Variants in ACYP2 observed in about 807,000 individuals in gnomAD.
The protein encoded by ACYP2 is acylphosphatase 2, also known as acylphosphatase-2.
In ACYP2, 12 loss-of-function variants were observed where a neutral mutation model predicts 11.2. The ratio of observed to expected loss-of-function variants is 1.08; its 90% CI spans 0.69 to 1.74. The LOEUF is 1.74. ACYP2 is among the 40% of genes most tolerant of loss of function. The pLI is 0.00. For synonymous variants in ACYP2, 43 were observed against 32.2 expected (o/e 1.33, Z -1.13); for missense variants, 134 against 101.9 (o/e 1.31, Z -1.35).
At chr2:54,264,875 A>G (rs563675830) in intron 6 of ACYP2, among the ~76,000 whole-genome samples, 2 of 152,364 alleles carry the variant, frequency 1.3e-5, no homozygotes, top group South Asian at 4.1e-4. Flanking sequence ...AAATGGCATT[A>G]AAGTATAGAA....
chr2:53,992,614 TGAGGTCA>T (rs957108047), intron 2 of ACYP2, among the ~76,000 whole-genome samples: 1 of 152,072 alleles, frequency 6.6e-6, no homozygotes, highest in Non-Finnish European at 1.5e-5. Context: ...GCAGATCACC[TGAGGTCA>T]GGAGTTTGAG....
In ACYP2 at chr2:54,304,910, T is replaced by G. The variant is rs1422175105; in HGVS notation, c.*108T>G. 1.1e-5 allele frequency: 6 copies of G among 541,526 alleles called. No homozygotes were observed. Among genetic ancestry groups the G allele is most frequent in the African/African-American group, 1.9e-5 (1 of 52,434 alleles). 33.5% of individuals were successfully genotyped at this position (541,526 alleles called of 1,614,324 possible). A position where few individuals can be genotyped will look rare whatever the true frequency, so the allele number is the denominator to read the frequency against. ...TAGGGTGAAAAGGAACTTTCTGTTCTGAAAGCTAAGCGACTGTACGTGCTA... is the reference window on the plus strand; with the variant it reads ...TAGGGTGAAAAGGAACTTTCTGTTCGGAAAGCTAAGCGACTGTACGTGCTA... On this transcript the variant is annotated 3_prime_UTR_variant, in exon 7 of 7. Coordinates refer to ENST00000607452, the MANE Select transcript of ACYP2 (RefSeq NM_001320586.2).
At chr2:54,035,227 G>A (rs1674825019) in intron 2 of ACYP2, among the ~76,000 whole-genome samples, 1 of 150,662 alleles carries the variant, frequency 6.6e-6, no homozygotes, top group Admixed American at 6.6e-5. Context: ...TTTTAGACCG[G>A]CCCTGACTCT....
intron 2 of ACYP2, among the ~76,000 whole-genome samples, chr2:53,984,855 C>T (rs1671951149): frequency 6.6e-6 from 1 of 151,702 alleles, no homozygotes; most frequent in Admixed American, 6.6e-5. Context: ...TCCATGATAA[C>T]AATTTTTATC....
In ACYP2 at chr2:54,025,192, T is replaced by A. The variant is rs1306370946; in HGVS notation, c.63-25766T>A. ...TGTCAAAAGCAATCTACAAATTCAA[T>A]GACATTCTCATCATTCTTCACATAA... On this transcript the variant is annotated intron_variant, in intron 2 of 6. Transcript: ENST00000607452. Among the ~76,000 whole-genome samples the A allele has an allele frequency of 4.6e-5, 7 of 152,080 alleles. No homozygotes were observed. The East Asian group carries it at 1.2e-3, about 25-fold the overall frequency.
intron 4 of ACYP2, among the ~76,000 whole-genome samples, chr2:54,087,554 T>C (rs972005498): frequency 6.6e-6 from 1 of 152,196 alleles, no homozygotes; most frequent in African/African-American, 2.4e-5. Context: ...TTTCACCACA[T>C]TGCCCAGACT....
At chr2:54,026,154 GAGA>G (rs1674275530) in intron 2 of ACYP2, among the ~76,000 whole-genome samples, 1 of 152,092 alleles carries the variant, frequency 6.6e-6, no homozygotes, top group South Asian at 2.1e-4. Flanking sequence ...CACAGTGTGG[GAGA>G]AGATCTTTGC....
chr2:54,027,903 G>A lies in ACYP2; in HGVS notation c.63-23055G>A, dbSNP rs530037875. Among the ~76,000 whole-genome samples, 64 of 137,426 alleles carry A rather than the reference G, an allele frequency of 4.7e-4. No individual in the cohort carries two copies. In the South Asian group the frequency reaches 0.015, roughly 31 times the overall value. The allele number at this position is 137,426 out of a possible 152,430, so 90.2% of individuals were successfully genotyped here. A position where few individuals can be genotyped will look rare whatever the true frequency, so the allele number is the denominator to read the frequency against. On this transcript the variant is annotated intron_variant, in intron 2 of 6. Coordinates refer to ENST00000607452, the MANE Select transcript of ACYP2 (RefSeq NM_001320586.2). ...TGTCCAGGCTGGAGTGCAGTGTCAC[G>A]ATCTCAGCTCACTGCTGCAACCTCC...
chr2:54,168,153 A>G, intron 6 of ACYP2, among the ~76,000 whole-genome samples: 1 of 152,130 alleles, frequency 6.6e-6, no homozygotes, highest in Admixed American at 6.6e-5. Context: ...GGCCAGGCAC[A>G]GTGGCTCACA....
intron 6 of ACYP2, among the ~76,000 whole-genome samples, chr2:54,284,934 C>G (rs568205757): frequency 6.6e-6 from 1 of 152,308 alleles, no homozygotes; most frequent in Admixed American, 6.5e-5. Context: ...TGCTGAGCAT[C>G]TTCGTTTCTT....
At position 54,044,613 on chromosome 2, in the gene ACYP2, A is replaced by G. The variant is rs939789416; in HGVS notation, c.63-6345A>G. Among the ~76,000 whole-genome samples, 6 of 152,002 alleles carry G rather than the reference A, an allele frequency of 3.9e-5. No individual in the cohort carries two copies. The East Asian group carries it at 1.2e-3, about 29-fold the overall frequency. ...CACTCCTGCCCGCCCCTCTCAAAAA[A>G]AAAAAGATCCTGGGAGGCAAACGGT... On this transcript the variant is annotated intron_variant, in intron 2 of 6. Coordinates refer to ENST00000607452, the MANE Select transcript of ACYP2 (RefSeq NM_001320586.2).
intron 6 of ACYP2, among the ~76,000 whole-genome samples, chr2:54,281,988 A>G (rs1688867828): frequency 6.6e-6 from 1 of 152,184 alleles, no homozygotes; most frequent in South Asian, 2.1e-4. Context: ...GTATACACTT[A>G]CTTATTTATA....
chr2:54,273,699 C>T (rs1688417652), intron 6 of ACYP2, among the ~76,000 whole-genome samples: 1 of 152,196 alleles, frequency 6.6e-6, no homozygotes, highest in Non-Finnish European at 1.5e-5. Context: ...CTCCTGACCT[C>T]AGGTGATTCA....
rs567193476 is a variant in ACYP2, at chr2:53,984,721, T to G, written c.62+10911T>G. ...TTTATTGCAGGTACACAGGGCTAGTTCAATGTCAGAAAATCTACCAATAAA... is the reference window on the plus strand; with the variant it reads ...TTTATTGCAGGTACACAGGGCTAGTGCAATGTCAGAAAATCTACCAATAAA... On this transcript the variant is annotated intron_variant, in intron 2 of 6. Coordinates refer to ENST00000607452, the MANE Select transcript of ACYP2 (RefSeq NM_001320586.2). Among the ~76,000 whole-genome samples the G allele has an allele frequency of 2.0e-5, 3 of 151,680 alleles. No homozygotes were observed. In the East Asian group the frequency reaches 5.8e-4, roughly 29 times the overall value.
intron 4 of ACYP2, among the ~76,000 whole-genome samples, chr2:54,114,403 G>A (rs1679626257): frequency 2.1e-5 from 3 of 143,736 alleles, no homozygotes; most frequent in African/African-American, 5.3e-5. Context: ...AAAAAAAAAG[G>A]TCGGGTGTGG....
intron 2 of ACYP2, among the ~76,000 whole-genome samples, chr2:53,998,913 C>T (rs1000246574): frequency 1.3e-5 from 2 of 152,154 alleles, no homozygotes; most frequent in African/African-American, 4.8e-5. Flanking sequence ...TTTGGGCTCT[C>T]TGTTCATGAC....
chr2:54,109,018 G>C (rs1284110408), intron 4 of ACYP2, among the ~76,000 whole-genome samples: 3 of 152,086 alleles, frequency 2.0e-5, no homozygotes, highest in African/African-American at 7.2e-5. Flanking sequence ...CTTTATGCCA[G>C]TTCAGATATG....
chr2:54,264,756 TAGGGGAC>T (rs1687942540), intron 6 of ACYP2, among the ~76,000 whole-genome samples: 1 of 152,142 alleles, frequency 6.6e-6, no homozygotes, highest in South Asian at 2.1e-4. Flanking sequence ...TTGTTTGGGG[TAGGGGAC>T]AGTAAAGCTC....
chr2:54,152,638 G>A (rs1040466173), intron 6 of ACYP2, among the ~76,000 whole-genome samples: 2 of 152,048 alleles, frequency 1.3e-5, no homozygotes, highest in Admixed American at 1.3e-4. Context: ...TATATAGATG[G>A]AATAATATAG....
Sources: gnomAD v4.1 joint callset for allele counts (sites outside exome capture counted in the v4.1 genomes callset) on GRCh38, gnomAD v4.1.1 for gene constraint, MANE v1.5 for transcripts, NCBI Gene and HGNC (gene_info 2026-07-23, HGNC 2026-07-21) for gene names.